The following C10orf90 variants were observed in gnomAD, a reference collection of about 807,000 sequenced individuals.
C10orf90 encodes (E2-independent) E3 ubiquitin-conjugating enzyme FATS.
C10orf90 carries 56 observed loss-of-function variants against 62.5 expected under a neutral mutation model. The ratio of observed to expected loss-of-function variants is 0.90; its 90% confidence interval spans 0.72 to 1.12. The LOEUF is 1.12. Among genes scored for constraint, C10orf90 ranks in the 50% most tolerant of loss-of-function variants. The pLI, the probability that C10orf90 is intolerant of heterozygous loss-of-function variation, is 0.00. For synonymous variants in C10orf90, 386 were observed against 340.4 expected (o/e 1.13, Z -1.47); for missense variants, 970 against 880.4 (o/e 1.10, Z -1.29).
intron 2 of C10orf90, among the ~76,000 whole-genome samples, chr10:126,600,260 C>T (rs1845173524): frequency 6.6e-6 from 1 of 152,208 alleles, no homozygotes; most frequent in South Asian, 2.1e-4. Context: ...AGCTCACCGG[C>T]GTTGGCATGC....
intron 2 of C10orf90, among the ~76,000 whole-genome samples, chr10:126,627,406 C>T (rs556863039): frequency 2.6e-5 from 4 of 151,918 alleles, no homozygotes; most frequent in African/African-American, 4.8e-5. Flanking sequence ...GTGGTCCATG[C>T]GGGTGTAATG....
intron 2 of C10orf90, among the ~76,000 whole-genome samples, chr10:126,638,370 T>C (rs763498917): frequency 2.0e-5 from 3 of 152,146 alleles, no homozygotes; most frequent in Non-Finnish European, 4.4e-5. Context: ...CTCTGAGGAC[T>C]CTGTGTCCTC....
At chr10:126,638,981 C>A (rs1055885615) in intron 2 of C10orf90, among the ~76,000 whole-genome samples, 1 of 152,246 alleles carries the variant, frequency 6.6e-6, no homozygotes, top group Non-Finnish European at 1.5e-5. Flanking sequence ...TTAAAACAGC[C>A]TTTTATGGAA....
intron 2 of C10orf90, among the ~76,000 whole-genome samples, chr10:126,645,780 T>C (rs1190737708): frequency 6.6e-6 from 1 of 152,174 alleles, no homozygotes; most frequent in Non-Finnish European, 1.5e-5. Context: ...TGTCTATGTG[T>C]GCGTACATGT....
chr10:126,651,727 G>A (rs561206211), intron 1 of C10orf90, among the ~76,000 whole-genome samples: 2 of 152,170 alleles, frequency 1.3e-5, no homozygotes, highest in African/African-American at 4.8e-5. Flanking sequence ...TGCCTGTCTG[G>A]ACATGTGCGT....
At chr10:126,561,557 T>A (rs777146622) in intron 2 of C10orf90, among the ~76,000 whole-genome samples, 3 of 152,092 alleles carry the variant, frequency 2.0e-5, no homozygotes, top group Non-Finnish European at 4.4e-5. Context: ...GGAATTCCGA[T>A]GACAAAAACG....
chr10:126,517,819 A>T (rs1010439740), intron 2 of C10orf90, among the ~76,000 whole-genome samples: 1 of 150,026 alleles, frequency 6.7e-6, no homozygotes, highest in African/African-American at 2.4e-5. Context: ...CTGAGGCAGG[A>T]GAATCGCTTG....
chr10:126,485,661 C>T (rs1237306375), intron 4 of C10orf90, among the ~76,000 whole-genome samples: 1 of 151,908 alleles, frequency 6.6e-6, no homozygotes, highest in African/African-American at 2.4e-5. Context: ...TTGGAAATGG[C>T]CGGGCGTGGT....
At chr10:126,514,292 T>A (rs1863306676) in intron 2 of C10orf90, among the ~76,000 whole-genome samples, 2 of 152,164 alleles carry the variant, frequency 1.3e-5, no homozygotes, top group Non-Finnish European at 2.9e-5. Flanking sequence ...TGTCCCAACA[T>A]CACTAGAGCT....
intron 1 of C10orf90, among the ~76,000 whole-genome samples, chr10:126,657,769 T>C (rs1441160254): frequency 2.6e-5 from 4 of 152,006 alleles, no homozygotes; most frequent in East Asian, 1.9e-4. Context: ...GCTTGTGCCA[T>C]CACACCTGGC....
intron 2 of C10orf90, among the ~76,000 whole-genome samples, chr10:126,591,146 A>T (rs1844971405): frequency 6.6e-6 from 1 of 152,210 alleles, no homozygotes; most frequent in African/African-American, 2.4e-5. Context: ...ACTTCTACTG[A>T]AACTATTCCA....
intron 2 of C10orf90, among the ~76,000 whole-genome samples, chr10:126,562,712 T>C (rs1288452903): frequency 6.6e-6 from 1 of 152,204 alleles, no homozygotes; most frequent in Non-Finnish European, 1.5e-5. Context: ...TCCTATAGCC[T>C]GCTGCTAAGA....
At position 126,433,978 on chromosome 10, in the gene C10orf90, TA is replaced by T. The variant is rs1391761144; in HGVS notation, c.2189-4129del. ...TTTTCCCCCAGTAAAATTACTAAGG[TA>T]AATTGCCTATTTCTATATTTCTGGA... On this transcript the variant is annotated intron_variant, in intron 7 of 9. Coordinates refer to ENST00000488181, the MANE Select transcript of C10orf90 (RefSeq NM_001350921.2). 7.1e-4 allele frequency among the ~76,000 whole-genome samples: 108 copies of T among 152,298 alleles called. 1 individual carries two copies. Among genetic ancestry groups the T allele is most frequent in the Non-Finnish European group, 7.4e-5 (5 of 68,014 alleles).
chr10:126,535,459 G>A (rs1367554900), intron 2 of C10orf90, among the ~76,000 whole-genome samples: 1 of 150,994 alleles, frequency 6.6e-6, no homozygotes, highest in African/African-American at 2.4e-5. Context: ...GGAGCTTGCA[G>A]TGAGCTGAGA....
At chr10:126,572,943 A>T (rs1452296717) in intron 2 of C10orf90, among the ~76,000 whole-genome samples, 1 of 152,066 alleles carries the variant, frequency 6.6e-6, no homozygotes, top group Non-Finnish European at 1.5e-5. Context: ...ATAACCATAA[A>T]AACAGTCAAC....
intron 2 of C10orf90, among the ~76,000 whole-genome samples, chr10:126,531,173 GAA>G (rs748546326): frequency 5.2e-5 from 6 of 116,468 alleles, no homozygotes; most frequent in Admixed American, 9.3e-5. Flanking sequence ...GACTCCATCT[GAA>G]AAAAAAAAAA....
intron 2 of C10orf90, among the ~76,000 whole-genome samples, chr10:126,555,383 G>A (rs962456947): frequency 6.6e-6 from 1 of 152,046 alleles, no homozygotes; most frequent in African/African-American, 2.4e-5. Flanking sequence ...CACTGTTTAA[G>A]CTAATCAGGC....
chr10:126,637,786 C>T (rs1039571665), intron 2 of C10orf90, among the ~76,000 whole-genome samples: 3 of 152,126 alleles, frequency 2.0e-5, no homozygotes, highest in African/African-American at 7.2e-5. Context: ...GGGCCTTTTG[C>T]ACCACAATAA....
chr10:126,478,859 G>A (rs1861030906), intron 4 of C10orf90, among the ~76,000 whole-genome samples: 1 of 152,168 alleles, frequency 6.6e-6, no homozygotes, highest in Non-Finnish European at 1.5e-5. Flanking sequence ...GCTGCCTGCA[G>A]GAACTGGAGG....
Sources: allele counts gnomAD v4.1 joint callset (sites outside exome capture counted in the v4.1 genomes callset), GRCh38; gene constraint gnomAD v4.1.1; transcripts MANE v1.5; gene names NCBI Gene and HGNC (gene_info 2026-07-23, HGNC 2026-07-21).